The following CDK14 variants were observed in gnomAD, a reference collection of about 807,000 sequenced individuals.
CDK14 encodes cyclin-dependent kinase 14.
Under a neutral mutation model 60.7 loss-of-function variants are expected in CDK14, and 34 were observed. That is an observed-to-expected ratio of 0.56 (90% CI 0.43 to 0.75). The LOEUF (loss-of-function observed/expected upper bound fraction) is 0.75, where lower values mean the gene tolerates loss of function less well. CDK14 is among the 30% of genes least tolerant of loss of function. The pLI, the probability that CDK14 is intolerant of heterozygous loss-of-function variation, is 0.00. For synonymous variants in CDK14, 197 were observed against 203.7 expected (o/e 0.97, Z 0.28); for missense variants, 482 against 564.1 (o/e 0.85, Z 1.47).
At chr7:90,839,870 G>A (rs1790231162) in intron 5 of CDK14, among the ~76,000 whole-genome samples, 1 of 151,894 alleles carries the variant, frequency 6.6e-6, no homozygotes, top group South Asian at 2.1e-4. Context: ...GTATTATGTT[G>A]TTGCCTCATG....
At position 91,135,033 on chromosome 7, in the gene CDK14, AAGC is replaced by A. The variant is rs549168979; in HGVS notation, c.*28+16828_*28+16830del. On this transcript the variant is annotated intron_variant, in intron 14 of 14. Transcript: ENST00000380050. ...ATACATATATATTTCTGTCAAAAAA[AAGC>A]AGTGTGTTTCATTTTAAATTTTCTT... Among the ~76,000 whole-genome samples, 12 of 150,512 alleles carry A rather than the reference AAGC, an allele frequency of 8.0e-5. No individual in the cohort carries two copies. The South Asian group carries it at 2.1e-3, about 26-fold the overall frequency.
chr7:90,811,941 T>G (rs200698306), intron 5 of CDK14, among the ~76,000 whole-genome samples: 2,559 of 152,068 alleles, frequency 0.017, 24 homozygotes, highest in Middle Eastern at 0.031. Flanking sequence ...CAGTTAGAAT[T>G]GCGATCATTA....
intron 6 of CDK14, among the ~76,000 whole-genome samples, chr7:90,872,316 A>T (rs1236786462): frequency 6.6e-6 from 1 of 152,216 alleles, no homozygotes; most frequent in Non-Finnish European, 1.5e-5. Flanking sequence ...GTTATGCTGT[A>T]TAATACTGTG....
intron 4 of CDK14, among the ~76,000 whole-genome samples, chr7:90,763,005 G>A (rs770517098): frequency 5.3e-5 from 8 of 152,102 alleles, no homozygotes; most frequent in Non-Finnish European, 8.8e-5. Flanking sequence ...TGCAGTAGCC[G>A]TGTTAATTTC....
chr7:91,040,313 G>C (rs1033363669), intron 10 of CDK14, among the ~76,000 whole-genome samples: 1 of 152,052 alleles, frequency 6.6e-6, no homozygotes, highest in Non-Finnish European at 1.5e-5. Context: ...TGGCTCTTCT[G>C]GGAACTTCAT....
In CDK14 at chr7:90,811,514, CTAG is replaced by C. The variant is rs1380066614; in HGVS notation, c.544+20863_544+20865del. Among the ~76,000 whole-genome samples, 3 of 152,218 alleles carry C rather than the reference CTAG, an allele frequency of 2.0e-5. No individual in the cohort carries two copies. In the East Asian group the frequency reaches 5.8e-4, roughly 29 times the overall value. On this transcript the variant is annotated intron_variant, in intron 5 of 14. Coordinates refer to ENST00000380050, the MANE Select transcript of CDK14 (RefSeq NM_001287135.2). ...CGTTAGACCTCAAACCATAAAAACC[CTAG>C]AAGAAAACCTAGGCAATACCATTCA...
At chr7:91,046,692 GT>G (rs200683615) in intron 11 of CDK14, among the ~76,000 whole-genome samples, 9 of 150,574 alleles carry the variant, frequency 6.0e-5, no homozygotes, top group South Asian at 2.1e-4. Context: ...TGGTTGTTGT[GT>G]TTTTTTTTCT....
At position 91,060,242 on chromosome 7, in the gene CDK14, C is replaced by G. The variant is rs543578898; in HGVS notation, c.1105+14282C>G. Among the ~76,000 whole-genome samples the G allele has an allele frequency of 2.3e-5, 3 of 131,666 alleles. No homozygotes were observed. In the South Asian group the frequency reaches 7.5e-4, roughly 33 times the overall value. 86.4% of individuals were successfully genotyped at this position (131,666 alleles called of 152,430 possible). The stretch of plus-strand genomic sequence containing the variant: ...GCAACCCCTGCCTTTTTTTTTTTTT[C>G]CATTTGCTTGGTAGATCTTCCTCTA... On this transcript the variant is annotated intron_variant, in intron 11 of 14. Transcript: ENST00000380050.
chr7:91,068,561 T>C (rs1798044231), intron 11 of CDK14, among the ~76,000 whole-genome samples: 1 of 152,156 alleles, frequency 6.6e-6, no homozygotes, highest in Non-Finnish European at 1.5e-5. Context: ...CAGTCAGTGC[T>C]CTATGAATCA....
chr7:91,102,617 TAA>T (rs34219319), intron 12 of CDK14, among the ~76,000 whole-genome samples: 5 of 140,126 alleles, frequency 3.6e-5, no homozygotes, highest in African/African-American at 2.6e-5. Context: ...AACTATAGTG[TAA>T]AAAAAAAAAA....
intron 12 of CDK14, among the ~76,000 whole-genome samples, chr7:91,101,663 G>A (rs1270158544): frequency 2.0e-5 from 3 of 152,032 alleles, no homozygotes; most frequent in Non-Finnish European, 1.5e-5. Flanking sequence ...ATGTAACTAC[G>A]AGTCTTGCTT....
chr7:90,600,382 G>A (rs1056255133), intron 1 of CDK14, among the ~76,000 whole-genome samples: 2 of 152,116 alleles, frequency 1.3e-5, no homozygotes, highest in East Asian at 3.8e-4. Context: ...AATATCCGGT[G>A]TATGATTAAG....
intron 14 of CDK14, among the ~76,000 whole-genome samples, chr7:91,191,045 C>T (rs907074773): frequency 3.9e-5 from 6 of 152,128 alleles, no homozygotes; most frequent in Non-Finnish European, 8.8e-5. Flanking sequence ...TTTACTGATC[C>T]TCAGTGGCCC....
chr7:90,813,343 C>G (rs1338717506), intron 5 of CDK14, among the ~76,000 whole-genome samples: 1 of 151,988 alleles, frequency 6.6e-6, no homozygotes, highest in African/African-American at 2.4e-5. Flanking sequence ...CTGGATTGTG[C>G]TTATAGTTGG....
chr7:91,084,588 C>T (rs1000394578), intron 12 of CDK14, among the ~76,000 whole-genome samples: 4 of 152,216 alleles, frequency 2.6e-5, no homozygotes, highest in African/African-American at 7.2e-5. Context: ...GTGTCATTGC[C>T]AGATTTCTTA....
chr7:90,866,345 G>A (rs1357725868), intron 6 of CDK14, among the ~76,000 whole-genome samples: 1 of 150,416 alleles, frequency 6.6e-6, no homozygotes, highest in Non-Finnish European at 1.5e-5. Context: ...TGATAATGTT[G>A]CTGTATTTCA....
intron 14 of CDK14, among the ~76,000 whole-genome samples, chr7:91,149,291 A>G (rs1190669577): frequency 6.6e-6 from 1 of 152,044 alleles, no homozygotes; most frequent in African/African-American, 2.4e-5. Flanking sequence ...CATAAAAAAA[A>G]AAAAGGCACC....
chr7:90,833,569 G>A (rs1584025689), intron 5 of CDK14, among the ~76,000 whole-genome samples: 1 of 152,130 alleles, frequency 6.6e-6, no homozygotes, highest in South Asian at 2.1e-4. Context: ...ATTGGAGTTG[G>A]TTTTCTGTTT....
intron 2 of CDK14, among the ~76,000 whole-genome samples, chr7:90,726,100 A>C (rs1802622906): frequency 1.3e-5 from 2 of 152,270 alleles, no homozygotes; most frequent in Non-Finnish European, 2.9e-5. Context: ...TCATGCATAA[A>C]ACTTTTAAAC....
Sources: allele counts gnomAD v4.1 joint callset (sites outside exome capture counted in the v4.1 genomes callset), GRCh38; gene constraint gnomAD v4.1.1; transcripts MANE v1.5; gene names NCBI Gene and HGNC (gene_info 2026-07-23, HGNC 2026-07-21).